SMAP1: variants seen among roughly 807,000 people sequenced by gnomAD.
SMAP1 encodes stromal membrane-associated protein 1.
SMAP1 carries 24 observed loss-of-function variants against 58.5 expected under a neutral mutation model. That is an observed-to-expected ratio of 0.41 (90% CI 0.30 to 0.58). The LOEUF (loss-of-function observed/expected upper bound fraction) is 0.58, where lower values mean the gene tolerates loss of function less well. SMAP1 is among the 20% of genes least tolerant of loss of function. The pLI is 0.29. For missense variants in SMAP1, 563 were observed against 566.3 expected, an observed-to-expected ratio of 0.99 and a Z score of 0.06; for synonymous variants, 216 against 196.6, an observed-to-expected ratio of 1.10 and a Z score of -0.82.
chr6:70,854,618 G>A (rs549092071), intron 8 of SMAP1, among the ~76,000 whole-genome samples: 184 of 151,240 alleles, frequency 1.2e-3, no homozygotes, highest in African/African-American at 4.1e-3. Flanking sequence ...GTGAGACTTC[G>A]TCTGGAAAAA....
chr6:70,749,087 A>T (rs140844944), intron 2 of SMAP1, among the ~76,000 whole-genome samples: 1 of 152,038 alleles, frequency 6.6e-6, no homozygotes, highest in Admixed American at 6.6e-5. Flanking sequence ...GGTTTAATTG[A>T]CTCGGTTCCT....
intron 4 of SMAP1, among the ~76,000 whole-genome samples, chr6:70,788,226 C>G (rs547637712): frequency 4.1e-4 from 60 of 145,146 alleles, no homozygotes; most frequent in African/African-American, 1.4e-3. Context: ...CACATGTTCT[C>G]ACTCATAGGT....
chr6:70,697,309 CTTT>C (rs1225213485), intron 1 of SMAP1, among the ~76,000 whole-genome samples: 4 of 142,504 alleles, frequency 2.8e-5, no homozygotes, highest in South Asian at 2.2e-4. Flanking sequence ...TCCTTTATTC[CTTT>C]TTTTTTTTTT....
chr6:70,768,236 C>CT (rs1206095787), intron 3 of SMAP1, among the ~76,000 whole-genome samples: 1 of 152,134 alleles, frequency 6.6e-6, no homozygotes, highest in Non-Finnish European at 1.5e-5. Flanking sequence ...CTCTGTCAGG[C>CT]TTTGGTATCA....
chr6:70,785,710 G>A, intron 4 of SMAP1, among the ~76,000 whole-genome samples: 1 of 152,172 alleles, frequency 6.6e-6, no homozygotes, highest in East Asian at 1.9e-4. Flanking sequence ...AGAAGAAATG[G>A]ATAAATTCCT....
chr6:70,838,863 T>C (rs1339914954), intron 7 of SMAP1, among the ~76,000 whole-genome samples: 1 of 152,234 alleles, frequency 6.6e-6, no homozygotes, highest in Non-Finnish European at 1.5e-5. Context: ...AGAATTATTG[T>C]GGCGGTTGTG....
At chr6:70,848,582 G>A (rs972861618) in intron 7 of SMAP1, among the ~76,000 whole-genome samples, 3 of 152,142 alleles carry the variant, frequency 2.0e-5, no homozygotes, top group Non-Finnish European at 4.4e-5. Context: ...CATTGAGGAA[G>A]TCTTTTCATT....
chr6:70,667,903 G>GCCGCTT lies in SMAP1; in HGVS notation c.-118_-113dup. The GCCGCTT allele has an allele frequency of 2.7e-6, 2 of 742,338 alleles. No homozygotes were observed. Among genetic ancestry groups the GCCGCTT allele is most frequent in the Non-Finnish European group, 2.0e-6 (1 of 491,306 alleles). The allele number at this position is 742,338 out of a possible 1,614,324, so 46.0% of individuals were successfully genotyped here. On this transcript the variant is annotated 5_prime_UTR_variant, in exon 1 of 11. Coordinates refer to ENST00000370455, the MANE Select transcript of SMAP1 (RefSeq NM_001044305.3). ...CCCTCCTCCCGTTCCAGCTGCCGCT[G>GCCGCTT]CCGCTTCCTGGGCTGAGTCCGCCCG...
At position 70,846,297 on chromosome 6, in the gene SMAP1, G is replaced by C. The variant is rs1183691521; in HGVS notation, c.665-6243G>C. ...TCCTCCCATAACCTGTGTTTGGAAA[G>C]CATTTCAATTAATCATGTATTGAGT... On this transcript the variant is annotated intron_variant, in intron 7 of 10. Coordinates refer to ENST00000370455, the MANE Select transcript of SMAP1 (RefSeq NM_001044305.3). Among the ~76,000 whole-genome samples the C allele has an allele frequency of 3.3e-5, 5 of 152,284 alleles. No individual in the cohort carries two copies. In the East Asian group the frequency reaches 9.6e-4, roughly 29 times the overall value.
chr6:70,844,870 C>A (rs953328944), intron 7 of SMAP1, among the ~76,000 whole-genome samples: 1 of 152,132 alleles, frequency 6.6e-6, no homozygotes, highest in Non-Finnish European at 1.5e-5. Flanking sequence ...AAAAAGGGTT[C>A]TTTGATCAAC....
chr6:70,739,885 A>T, intron 2 of SMAP1, among the ~76,000 whole-genome samples: 1 of 149,196 alleles, frequency 6.7e-6, no homozygotes, highest in African/African-American at 2.5e-5. Flanking sequence ...TTTTTCTTTT[A>T]TTTCCAATTT....
chr6:70,670,705 C>G (rs941561208), intron 1 of SMAP1, among the ~76,000 whole-genome samples: 3 of 152,098 alleles, frequency 2.0e-5, no homozygotes, highest in African/African-American at 7.2e-5. Context: ...AAGTTATTTC[C>G]TAGTTAACTC....
intron 3 of SMAP1, among the ~76,000 whole-genome samples, chr6:70,764,498 A>G (rs915236944): frequency 2.0e-5 from 3 of 152,200 alleles, no homozygotes; most frequent in Non-Finnish European, 2.9e-5. Context: ...TTTATTTACT[A>G]TTTTGAAAAT....
chr6:70,850,582 C>T (rs975649695), intron 7 of SMAP1, among the ~76,000 whole-genome samples: 4 of 151,162 alleles, frequency 2.6e-5, no homozygotes, highest in Admixed American at 1.3e-4. Context: ...ATTATATTTG[C>T]AGCTAATAAA....
chr6:70,742,803 C>A (rs186071433), intron 2 of SMAP1, among the ~76,000 whole-genome samples: 1 of 152,140 alleles, frequency 6.6e-6, no homozygotes, highest in East Asian at 1.9e-4. Flanking sequence ...GGGGAGGCCT[C>A]ACAATCATGG....
chr6:70,711,661 G>A (rs1303162671), intron 1 of SMAP1, among the ~76,000 whole-genome samples: 1 of 151,758 alleles, frequency 6.6e-6, no homozygotes, highest in Non-Finnish European at 1.5e-5. Flanking sequence ...CTGAGTATCT[G>A]GGATTACAGG....
intron 1 of SMAP1, among the ~76,000 whole-genome samples, chr6:70,731,164 A>G (rs1054368662): frequency 3.9e-5 from 6 of 152,238 alleles, no homozygotes; most frequent in African/African-American, 1.4e-4. Flanking sequence ...AATTTATAGA[A>G]GTCTGTTAGT....
At chr6:70,734,615 G>A (rs1290817067) in intron 2 of SMAP1, 1 of 152,910 alleles carries the variant, frequency 6.5e-6, no homozygotes, top group African/African-American at 2.4e-5. Context: ...GATGAGGCTG[G>A]GGCTTTGCAG....
At chr6:70,673,188 A>C (rs1371384026) in intron 1 of SMAP1, among the ~76,000 whole-genome samples, 1 of 152,228 alleles carries the variant, frequency 6.6e-6, no homozygotes, top group Non-Finnish European at 1.5e-5. Context: ...TCAGGGAGCC[A>C]CTGCTGAACT....
Sources: allele counts gnomAD v4.1 joint callset (sites outside exome capture counted in the v4.1 genomes callset), GRCh38; gene constraint gnomAD v4.1.1; transcripts MANE v1.5; gene names NCBI Gene and HGNC (gene_info 2026-07-23, HGNC 2026-07-21).